Variants in PADI3 observed in about 807,000 individuals in gnomAD.
PADI3 encodes the protein protein-arginine deiminase type-3.
In PADI3, 53 loss-of-function variants were observed where a neutral mutation model predicts 71.5. The ratio of observed to expected loss-of-function variants is 0.74; its 90% confidence interval spans 0.59 to 0.93. The LOEUF is 0.93. Among genes scored for constraint, PADI3 ranks in the 40% least tolerant of loss-of-function variants. PADI3 has a pLI of 0.00. For synonymous variants in PADI3, 361 were observed against 347.5 expected (o/e 1.04, Z -0.43); for missense variants, 821 against 868.0 (o/e 0.95, Z 0.68).
rs779516592 is a variant in PADI3 at position 17,266,820 on chromosome 1, C to A, written c.510C>A (p.His170Gln). 2.5e-6 allele frequency: 4 copies of A among 1,613,604 alleles called. No individual in the cohort carries two copies. The East Asian group carries it at 6.7e-5, about 27-fold the overall frequency. Residue 170 changes from histidine (H) to glutamine (Q), a missense_variant, in exon 5 of 16, where the codon CAC becomes CAA. Physicochemically the swap from His to Gln is conservative, Grantham distance 24. Coordinates refer to ENST00000375460, the MANE Select transcript of PADI3 (RefSeq NM_016233.2). Reference protein sequence around the residue: ...SCDVQDNCDQHVHCLQDLEDM... With the variant: ...SCDVQDNCDQQVHCLQDLEDM... The stretch of plus-strand genomic sequence containing the variant: ...ATGTCCAGGACAATTGTGACCAGCA[C>A]GTGCACTGCCTGCAAGGTGAGGCCG...
In PADI3 at chr1:17,267,945, AG is replaced by A. The variant is rs759824561; in HGVS notation, c.637del (p.Val213SerfsTer86). The A allele has an allele frequency of 5.0e-6, 8 of 1,614,202 alleles. No individual in the cohort carries two copies. Among genetic ancestry groups the A allele is most frequent in the Non-Finnish European group, 6.8e-6 (8 of 1,180,046 alleles). ...TCCAGCTATGATGCCAAACGGGCAC[AG>A]GTCTTCCACATCTGCGGTGAGTTTG... ...HTSSYDAKRA[Q>X]VFHICGPEDV... On this transcript the variant is annotated frameshift_variant, in exon 6 of 16. Coordinates refer to ENST00000375460, the MANE Select transcript of PADI3 (RefSeq NM_016233.2). LOFTEE classifies it high-confidence loss of function.
chr1:17,274,921 G>A, intron 11 of PADI3, 135 bp downstream of exon 11: 1 of 969,842 alleles, frequency 1.0e-6, no homozygotes, highest in African/African-American at 1.6e-5. Flanking sequence ...ACTCCCGGAT[G>A]TGCTGGGGTT....
intron 3 of PADI3, 151 bp downstream of exon 3, chr1:17,262,356 T>G: frequency 1.7e-6 from 1 of 595,528 alleles, no homozygotes; most frequent in South Asian, 2.3e-5. Flanking sequence ...AGATACGCTG[T>G]GCTTATATAT....
chr1:17,280,746 C>T lies in PADI3; in HGVS notation c.1711C>T (p.Gln571Ter). ...AGAGTGTGACATCATTGACATCCCACAGCTCTTCAAGACCGAGAGGAAAAA... is the reference window on the plus strand; with the variant it reads ...AGAGTGTGACATCATTGACATCCCATAGCTCTTCAAGACCGAGAGGAAAAA... The part of the protein sequence containing the change: ...LAECDIIDIP[Q>*]LFKTERKKAT... Residue 571 changes from glutamine to a stop codon, truncating the protein, a stop_gained, in exon 15 of 16, where the codon CAG (glutamine) becomes TAG (stop). Transcript: ENST00000375460. LOFTEE classifies it high-confidence loss of function. The T allele has an allele frequency of 6.2e-7, 1 of 1,614,206 alleles. No individual in the cohort carries two copies. Among genetic ancestry groups the T allele is most frequent in the Non-Finnish European group, 8.5e-7 (1 of 1,180,036 alleles).
At chr1:17,271,751 G>A (rs1351489390) in intron 9 of PADI3, among the ~76,000 whole-genome samples, 1 of 150,554 alleles carries the variant, frequency 6.6e-6, no homozygotes, top group Non-Finnish European at 1.5e-5. Context: ...TGGAGGCTGA[G>A]GTCAGAGGAT....
At position 17,271,091 on chromosome 1, in the gene PADI3, G is replaced by A. The variant is rs1375238304; in HGVS notation, c.960G>A (p.Val320=). 6.2e-7 allele frequency: 1 copy of A among 1,613,980 alleles called. No homozygotes were observed. Among genetic ancestry groups the A allele is most frequent in the Non-Finnish European group, 8.5e-7 (1 of 1,180,024 alleles). Residue 320 remains valine, a synonymous_variant, in exon 9 of 16, where the codon GTG becomes GTA. Coordinates refer to ENST00000375460, the MANE Select transcript of PADI3 (RefSeq NM_016233.2). ...GTGTGAGGAACAACACGTGTTTTGT[G>A]GATGCGGTGGCAGAGCTGGCCAGGA... ...VCRVRNNTCF[V]DAVAELARKA... is the part of the protein sequence containing the mutation.
chr1:17,281,145 T>A (rs1285533491), intron 15 of PADI3, among the ~76,000 whole-genome samples: 1 of 152,262 alleles, frequency 6.6e-6, no homozygotes, highest in Non-Finnish European at 1.5e-5. Flanking sequence ...AGCTTGTGGC[T>A]CTTCATCCAT....
At chr1:17,259,941 C>T (rs2073083223) in intron 2 of PADI3, among the ~76,000 whole-genome samples, 183 bp downstream of exon 2, 1 of 152,184 alleles carries the variant, frequency 6.6e-6, no homozygotes, top group Admixed American at 6.5e-5. Flanking sequence ...ACCATGTGTC[C>T]TTGGAAAGCC....
intron 1 of PADI3, among the ~76,000 whole-genome samples, chr1:17,249,657 A>C (rs1272170841): frequency 6.6e-6 from 1 of 152,202 alleles, no homozygotes; most frequent in African/African-American, 2.4e-5. Context: ...AAATAAGTTA[A>C]TACATAGCAC....
At chr1:17,277,685 A>C (rs1400416573) in intron 13 of PADI3, among the ~76,000 whole-genome samples, 2 of 152,148 alleles carry the variant, frequency 1.3e-5, no homozygotes, top group African/African-American at 4.8e-5. Context: ...CACTGTCCTG[A>C]GATGCTGCAG....
At chr1:17,262,393 C>A (rs2073114116) in intron 3 of PADI3, among the ~76,000 whole-genome samples, 188 bp downstream of exon 3, 1 of 152,166 alleles carries the variant, frequency 6.6e-6, no homozygotes, top group South Asian at 2.1e-4. Context: ...CTGTATATCC[C>A]CCCTCTTTTG....
rs943070544 is a variant in PADI3, at chr1:17,253,725, C to T, written c.92+4496C>T. On this transcript the variant is annotated intron_variant, in intron 1 of 15. Transcript: ENST00000375460. ...TGCAGCTGGGGCTAAGAACCGCTGC[C>T]CTCACTGGGAAGACAAACAACTCAT... Among the ~76,000 whole-genome samples, 3 of 152,184 alleles carry T rather than the reference C, an allele frequency of 2.0e-5. No individual in the cohort carries two copies. The East Asian group carries it at 5.8e-4, about 29-fold the overall frequency.
intron 13 of PADI3, among the ~76,000 whole-genome samples, chr1:17,279,803 C>G (rs1013016879): frequency 6.6e-6 from 1 of 152,200 alleles, no homozygotes; most frequent in South Asian, 2.1e-4. Flanking sequence ...CTCTAGCCTC[C>G]GCTTCCCTGT....
In PADI3 at chr1:17,270,449, G is replaced by A. The variant is rs747774376; in HGVS notation, c.831+38G>A. The stretch of plus-strand genomic sequence containing the variant: ...GGGGTTCAAGAGGAGCTCCACTCGG[G>A]ACCAGCCTGGGCAACATGGTGAAAC... On this transcript the variant is annotated intron_variant, in intron 7 of 15. Coordinates refer to ENST00000375460, the MANE Select transcript of PADI3 (RefSeq NM_016233.2). 12 of 1,567,450 alleles carry A rather than the reference G, an allele frequency of 7.7e-6. No individual in the cohort carries two copies. The African/African-American group carries it at 1.4e-4, about 18-fold the overall frequency.
In PADI3 at chr1:17,273,429, C is replaced by A. The variant is rs1347673734; in HGVS notation, c.1137C>A (p.Phe379Leu). 3.7e-6 allele frequency: 6 copies of A among 1,612,460 alleles called. No individual in the cohort carries two copies. Among genetic ancestry groups the A allele is most frequent in the Admixed American group, 1.7e-5 (1 of 59,970 alleles). Residue 379 changes from phenylalanine (F) to leucine (L), a missense_variant, in exon 10 of 16, where the codon TTC (phenylalanine) becomes TTA (leucine). Coordinates refer to ENST00000375460, the MANE Select transcript of PADI3 (RefSeq NM_016233.2). ...CAAGGAATGGGGAACTGCAGGATTTCCCTTACAAAAGAATCCTGGTGAGTG... is the reference window on the plus strand; with the variant it reads ...CAAGGAATGGGGAACTGCAGGATTTACCTTACAAAAGAATCCTGGTGAGTG... ...DSPRNGELQD[F>L]PYKRILGPDF...
intron 1 of PADI3, among the ~76,000 whole-genome samples, chr1:17,257,557 T>G (rs2073043422): frequency 6.6e-6 from 1 of 152,252 alleles, no homozygotes. Context: ...GAAACAGGTG[T>G]GTCTGTCCCT....
intron 4 of PADI3, among the ~76,000 whole-genome samples, chr1:17,266,509 A>G (rs2073170131): frequency 6.6e-6 from 1 of 152,252 alleles, no homozygotes; most frequent in Non-Finnish European, 1.5e-5. Context: ...CCCATCACAG[A>G]TAGCCATGAA....
At chr1:17,271,831 A>G (rs2073256250) in intron 9 of PADI3, among the ~76,000 whole-genome samples, 1 of 135,092 alleles carries the variant, frequency 7.4e-6, no homozygotes, top group Admixed American at 7.6e-5. Flanking sequence ...CCTCAGCAAC[A>G]ACAACAAAAA....
At chr1:17,278,505 G>C (rs1156665126) in intron 13 of PADI3, among the ~76,000 whole-genome samples, 1 of 152,144 alleles carries the variant, frequency 6.6e-6, no homozygotes, top group East Asian at 1.9e-4. Context: ...TGGGATTACA[G>C]GTGTGAACTA....
Sources: allele counts gnomAD v4.1 joint callset (sites outside exome capture counted in the v4.1 genomes callset), GRCh38; gene constraint gnomAD v4.1.1; transcripts MANE v1.5; gene names NCBI Gene and HGNC (gene_info 2026-07-23, HGNC 2026-07-21).